SNX24: variants seen among roughly 807,000 people sequenced by gnomAD.
The protein encoded by SNX24 is sorting nexin 24.
A neutral mutation model predicts 28.7 loss-of-function variants in SNX24; 22 were observed. That is an observed-to-expected ratio of 0.77 (90% CI 0.55 to 1.10). SNX24 has a LOEUF of 1.10. SNX24 is among the 50% of genes least tolerant of loss of function. The probability of loss-of-function intolerance (pLI) is 0.00; values close to 1 mark genes in which losing one functional copy is unlikely to be tolerated. For missense variants in SNX24, 221 were observed against 201.1 expected, an observed-to-expected ratio of 1.10 and a Z score of -0.60; for synonymous variants, 69 against 71.5, an observed-to-expected ratio of 0.96 and a Z score of 0.18.
intron 1 of SNX24, among the ~76,000 whole-genome samples, chr5:122,882,645 G>A (rs148019474): frequency 1.6e-3 from 248 of 152,254 alleles, no homozygotes; most frequent in Middle Eastern, 3.4e-3. Context: ...TTTTTTCCTA[G>A]TATGGACCTA....
chr5:123,010,366 C>A (rs1350398341), downstream of SNX24, among the ~76,000 whole-genome samples: 1 of 151,930 alleles, frequency 6.6e-6, no homozygotes, highest in East Asian at 1.9e-4. Flanking sequence ...TCTCAACTCA[C>A]TGCAACTTCT....
intron 2 of SNX24, 40 bp from the exon 3 acceptor site, chr5:122,946,012 CTGT>C: frequency 5.8e-6 from 5 of 865,960 alleles, no homozygotes; most frequent in Non-Finnish European, 8.1e-6. Context: ...ACAGACATCT[CTGT>C]TTTTTTTTTT....
intron 3 of SNX24, among the ~76,000 whole-genome samples, chr5:122,946,679 A>G (rs138854515): frequency 6.6e-6 from 1 of 152,136 alleles, no homozygotes; most frequent in Admixed American, 6.5e-5. Context: ...GCACTGGGAC[A>G]CTCTTTTCTG....
intron 3 of SNX24, among the ~76,000 whole-genome samples, chr5:122,970,035 T>C (rs1760889917): frequency 1.3e-5 from 2 of 151,964 alleles, no homozygotes; most frequent in South Asian, 4.2e-4. Context: ...GGAAGCTATT[T>C]GTGATTAGTC....
At chr5:122,846,874 T>A (rs1224202347) in intron 1 of SNX24, among the ~76,000 whole-genome samples, 1 of 152,038 alleles carries the variant, frequency 6.6e-6, no homozygotes, top group Non-Finnish European at 1.5e-5. Context: ...ATATAAATAA[T>A]CCTTTCCAGT....
chr5:122,985,310 G>A (rs967186690), intron 3 of SNX24, among the ~76,000 whole-genome samples: 1 of 152,174 alleles, frequency 6.6e-6, no homozygotes, highest in Non-Finnish European at 1.5e-5. Context: ...GACCATTGAA[G>A]GACCAGAAGG....
At chr5:122,910,300 C>G (rs1259005446) in intron 1 of SNX24, among the ~76,000 whole-genome samples, 1 of 152,122 alleles carries the variant, frequency 6.6e-6, no homozygotes, top group Non-Finnish European at 1.5e-5. Flanking sequence ...CTGTTCACAG[C>G]CACCCCCTTC....
intron 5 of SNX24, chr5:123,025,666 A>G: frequency 9.8e-7 from 1 of 1,018,512 alleles, no homozygotes; most frequent in Non-Finnish European, 1.4e-6. Flanking sequence ...ACCTTTGAAG[A>G]GGCCAGTCAG....
chr5:123,026,277 G>A (rs1248495524), intron 5 of SNX24, among the ~76,000 whole-genome samples: 1 of 152,136 alleles, frequency 6.6e-6, no homozygotes, highest in Non-Finnish European at 1.5e-5. Flanking sequence ...AAGTGAGAAG[G>A]AACTGAAGGG....
intron 3 of SNX24, among the ~76,000 whole-genome samples, chr5:122,997,312 A>C (rs1002055920): frequency 3.3e-5 from 5 of 152,218 alleles, no homozygotes; most frequent in Admixed American, 6.5e-5. Context: ...TCATTGTTTT[A>C]TGGAAAATAT....
chr5:122,956,345 C>A (rs1760208369), intron 3 of SNX24, among the ~76,000 whole-genome samples: 1 of 90,116 alleles, frequency 1.1e-5, no homozygotes, highest in Non-Finnish European at 2.1e-5. Context: ...ACCTTTAAAA[C>A]ACTTGGGAAA....
At chr5:122,924,982 A>G (rs1281834490) in intron 1 of SNX24, among the ~76,000 whole-genome samples, 1 of 129,176 alleles carries the variant, frequency 7.7e-6, no homozygotes, top group African/African-American at 3.0e-5. Flanking sequence ...CCCTTCCCTC[A>G]CCCTTCTCCC....
chr5:122,921,529 G>C (rs1413929435), intron 1 of SNX24, among the ~76,000 whole-genome samples: 1 of 152,076 alleles, frequency 6.6e-6, no homozygotes, highest in Non-Finnish European at 1.5e-5. Flanking sequence ...TACTGTCTCT[G>C]TAAAGAAACA....
chr5:122,916,175 T>G (rs1309457763), intron 1 of SNX24, among the ~76,000 whole-genome samples: 1 of 152,250 alleles, frequency 6.6e-6, no homozygotes, highest in Non-Finnish European at 1.5e-5. Context: ...ATATCAGAAT[T>G]AAGACAAAAC....
At chr5:122,912,398 C>A (rs2150090943) in intron 1 of SNX24, among the ~76,000 whole-genome samples, 1 of 151,924 alleles carries the variant, frequency 6.6e-6, no homozygotes, top group South Asian at 2.1e-4. Context: ...TCTAGATATA[C>A]AATCATGTCA....
chr5:122,866,199 G>A (rs1451929279), intron 1 of SNX24, among the ~76,000 whole-genome samples: 2 of 152,118 alleles, frequency 1.3e-5, no homozygotes, highest in Non-Finnish European at 1.5e-5. Flanking sequence ...ACCCAGGCTG[G>A]GGTGCAGTGG....
At chr5:122,958,814 C>A (rs1028858711) in intron 3 of SNX24, among the ~76,000 whole-genome samples, 1 of 152,074 alleles carries the variant, frequency 6.6e-6, no homozygotes, top group Non-Finnish European at 1.5e-5. Context: ...CCTGCCTCAG[C>A]CTTCTAAAGT....
At chr5:122,850,551 A>G (rs1383343027) in intron 1 of SNX24, among the ~76,000 whole-genome samples, 1 of 152,178 alleles carries the variant, frequency 6.6e-6, no homozygotes, top group African/African-American at 2.4e-5. Flanking sequence ...AGCGTTGAAC[A>G]TGGAAAGGAA....
chr5:122,994,491 A>G (rs1418165048), intron 3 of SNX24, among the ~76,000 whole-genome samples: 1 of 152,226 alleles, frequency 6.6e-6, no homozygotes, highest in Non-Finnish European at 1.5e-5. Flanking sequence ...ACTGACAATT[A>G]AGTATTTGGG....
Sources: gnomAD v4.1 joint callset for allele counts (sites outside exome capture counted in the v4.1 genomes callset) on GRCh38, gnomAD v4.1.1 for gene constraint, MANE v1.5 for transcripts, NCBI Gene and HGNC (gene_info 2026-07-23, HGNC 2026-07-21) for gene names.